Variants in PTPRD observed in about 807,000 individuals in gnomAD.
PTPRD encodes receptor-type tyrosine-protein phosphatase delta.
A neutral mutation model predicts 214.5 loss-of-function variants in PTPRD; 34 were observed. The ratio of observed to expected loss-of-function variants is 0.16; its 90% CI spans 0.12 to 0.21. The LOEUF (loss-of-function observed/expected upper bound fraction) is 0.21, where lower values mean the gene tolerates loss of function less well. Among genes scored for constraint, PTPRD ranks in the 10% least tolerant of loss-of-function variants. The pLI, the probability that PTPRD is intolerant of heterozygous loss-of-function variation, is 1.00. For missense variants in PTPRD, 2,545 were observed against 2,398.7 expected (o/e 1.06, Z -1.27); for synonymous variants, 1,128 against 845.7 (o/e 1.33, Z -5.79).
At chr9:8,761,832 A>G (rs1221307441) in intron 11 of PTPRD, among the ~76,000 whole-genome samples, 1 of 152,170 alleles carries the variant, frequency 6.6e-6, no homozygotes, top group South Asian at 2.1e-4. Flanking sequence ...TGGAAGAAGG[A>G]AGATGAGATT....
chr9:8,799,358 A>G (rs1349217408), intron 11 of PTPRD, among the ~76,000 whole-genome samples: 1 of 152,236 alleles, frequency 6.6e-6, no homozygotes, highest in Non-Finnish European at 1.5e-5. Flanking sequence ...CTTAGAATTC[A>G]TTAAAGAGAA....
chr9:9,792,258 T>C (rs936610617), intron 5 of PTPRD, among the ~76,000 whole-genome samples: 6 of 152,156 alleles, frequency 3.9e-5, no homozygotes, highest in Admixed American at 3.3e-4. Flanking sequence ...TGTTATTTAA[T>C]GCTGTTTCAG....
chr9:8,404,068 T>G (rs982845078), intron 36 of PTPRD, among the ~76,000 whole-genome samples: 9 of 152,174 alleles, frequency 5.9e-5, no homozygotes, highest in Admixed American at 2.6e-4. Flanking sequence ...GGCCTATGTA[T>G]AATTTATTTG....
chr9:10,428,285 C>G (rs549553899), intron 2 of PTPRD, among the ~76,000 whole-genome samples: 5 of 152,048 alleles, frequency 3.3e-5, no homozygotes, highest in Non-Finnish European at 5.9e-5. Flanking sequence ...TGCCACTGCA[C>G]GACAGAGCAA....
chr9:9,757,824 C>T (rs1040273816), intron 6 of PTPRD, among the ~76,000 whole-genome samples: 2 of 152,078 alleles, frequency 1.3e-5, no homozygotes, highest in African/African-American at 2.4e-5. Flanking sequence ...CCATCTTACT[C>T]ATCATAACTA....
intron 4 of PTPRD, among the ~76,000 whole-genome samples, chr9:10,011,123 T>C (rs1239614213): frequency 6.6e-6 from 1 of 151,954 alleles, no homozygotes; most frequent in East Asian, 1.9e-4. Context: ...CTTATACCTG[T>C]AGAAGGCAAT....
chr9:9,731,981 T>C (rs2098203107), intron 7 of PTPRD, among the ~76,000 whole-genome samples: 1 of 152,022 alleles, frequency 6.6e-6, no homozygotes, highest in Non-Finnish European at 1.5e-5. Flanking sequence ...TATGACAGTG[T>C]AAGGTAAAGT....
chr9:10,406,772 G>A (rs1035968044), intron 2 of PTPRD, among the ~76,000 whole-genome samples: 2 of 150,958 alleles, frequency 1.3e-5, no homozygotes, highest in African/African-American at 2.4e-5. Flanking sequence ...ATGTCAGCAT[G>A]GGTGAGCAAG....
At chr9:8,603,690 T>C (rs1181756649) in intron 14 of PTPRD, among the ~76,000 whole-genome samples, 2 of 152,300 alleles carry the variant, frequency 1.3e-5, no homozygotes, top group East Asian at 1.9e-4. Flanking sequence ...ATAAGGGAAG[T>C]TGATGAAAAG....
intron 14 of PTPRD, among the ~76,000 whole-genome samples, chr9:8,630,090 T>C (rs552865331): frequency 6.6e-6 from 1 of 151,914 alleles, no homozygotes; most frequent in African/African-American, 2.4e-5. Flanking sequence ...AAATCAATGA[T>C]CTTCATCCAG....
At chr9:10,150,096 C>T (rs767020865) in intron 3 of PTPRD, among the ~76,000 whole-genome samples, 2 of 152,098 alleles carry the variant, frequency 1.3e-5, no homozygotes, top group Admixed American at 6.6e-5. Flanking sequence ...AACCTGCACA[C>T]TAAATTTTAG....
intron 8 of PTPRD, among the ~76,000 whole-genome samples, chr9:9,489,551 T>C (rs896231930): frequency 6.6e-6 from 1 of 152,156 alleles, no homozygotes; most frequent in African/African-American, 2.4e-5. Context: ...GTGGTGATAT[T>C]GATTTAGAGC....
rs151197548 is a variant in PTPRD at position 9,385,522 on chromosome 9, G to C, written c.-203+11927C>G. ...TCCTTTCATATATATTTTCAGGAAA[G>C]TGTGTGAAATAAAGTTACCAGTCCT... On this transcript the variant is annotated intron_variant, in intron 9 of 45. Coordinates refer to ENST00000381196, the MANE Select transcript of PTPRD (RefSeq NM_002839.4). Among the ~76,000 whole-genome samples the C allele has an allele frequency of 2.2e-3, 341 of 152,274 alleles. 1 individual carries two copies. The highest frequency in any genetic ancestry group is 5.5e-3 in the African/African-American group (227 of 41,582).
At chr9:9,678,325 A>T (rs190566595) in intron 7 of PTPRD, among the ~76,000 whole-genome samples, 256 of 152,228 alleles carry the variant, frequency 1.7e-3, no homozygotes, top group African/African-American at 5.7e-3. Flanking sequence ...ACTATACTAC[A>T]AGGCTACAGT....
chr9:10,057,534 C>T (rs566654443), intron 3 of PTPRD, among the ~76,000 whole-genome samples: 190 of 152,120 alleles, frequency 1.2e-3, no homozygotes, highest in South Asian at 6.4e-3. Context: ...GAGTATTCTT[C>T]GTAAGTTGCT....
At chr9:10,571,588 T>A (rs1217836685) in intron 2 of PTPRD, among the ~76,000 whole-genome samples, 1 of 152,180 alleles carries the variant, frequency 6.6e-6, no homozygotes, top group East Asian at 1.9e-4. Flanking sequence ...ATCTGTAAAG[T>A]GGTCATGACC....
chr9:8,691,406 A>C (rs912095289), intron 12 of PTPRD, among the ~76,000 whole-genome samples: 1 of 152,030 alleles, frequency 6.6e-6, no homozygotes, highest in Non-Finnish European at 1.5e-5. Flanking sequence ...GAAAAAAAAA[A>C]AAAAATAGAA....
At chr9:10,024,193 T>A (rs1304418260) in intron 4 of PTPRD, among the ~76,000 whole-genome samples, 1 of 152,192 alleles carries the variant, frequency 6.6e-6, no homozygotes, top group African/African-American at 2.4e-5. Flanking sequence ...ATTTTTATCC[T>A]TGTTGGTTAC....
intron 2 of PTPRD, among the ~76,000 whole-genome samples, chr9:10,449,107 C>T (rs1458979109): frequency 6.6e-6 from 1 of 150,410 alleles, no homozygotes; most frequent in Non-Finnish European, 1.5e-5. Flanking sequence ...CTGGACTGTA[C>T]TGCCGCCATC....
Sources: gnomAD v4.1 joint callset for allele counts (sites outside exome capture counted in the v4.1 genomes callset) on GRCh38, gnomAD v4.1.1 for gene constraint, MANE v1.5 for transcripts, NCBI Gene and HGNC (gene_info 2026-07-23, HGNC 2026-07-21) for gene names.